TP53I13: variants seen among roughly 807,000 people sequenced by gnomAD.
The protein encoded by TP53I13 is tumor protein p53 inducible protein 13, also known as tumor protein p53-inducible protein 13.
In TP53I13, 27 loss-of-function variants were observed where a neutral mutation model predicts 39.1. The observed-to-expected ratio is 0.69, with a 90% CI of 0.51 to 0.95. TP53I13 has a LOEUF of 0.95. Among genes scored for constraint, TP53I13 ranks in the 40% least tolerant of loss-of-function variants. The pLI is 0.00. For missense variants in TP53I13, 544 were observed against 520.4 expected (o/e 1.05, Z -0.44); for synonymous variants, 230 against 224.6 (o/e 1.02, Z -0.22).
Position 29,572,020 on chromosome 17 carries a change from C to G in TP53I13, c.476C>G (p.Pro159Arg). Residue 159 changes from proline to arginine, a missense_variant, in exon 5 of 7, where the codon CCC becomes CGC. Transcript: ENST00000301057. ...GGGCCTGCTCCCTCCGAGCCAACTC[C>G]CGGTAGAGGGAGGCTGTGCCGAAGA... Reference protein sequence around the residue: ...LSGPAPSEPTPGRGRLCRRGC... With the variant: ...LSGPAPSEPTRGRGRLCRRGC... 1 of 1,613,178 alleles carries G rather than the reference C, an allele frequency of 6.2e-7. No individual in the cohort carries two copies.
In TP53I13 at chr17:29,568,743, C is replaced by T. The variant is rs770581025; in HGVS notation, c.-16C>T. On this transcript the variant is annotated 5_prime_UTR_variant, in exon 1 of 7. Transcript: ENST00000301057. The surrounding 1 kb of genome is among the most constrained non-coding windows in gnomAD (Gnocchi z 4.5). ...CGGAGCGGCTGGGCGGCGGGCCGGG[C>T]CCGGGGCCGCTTGGAATGGCGCCTC... 1.3e-6 allele frequency: 2 copies of T among 1,555,112 alleles called. No individual in the cohort carries two copies. Among genetic ancestry groups the T allele is most frequent in the Non-Finnish European group, 1.7e-6 (2 of 1,160,670 alleles).
At chr17:29,574,771 C>T (rs547494712), downstream of TP53I13, 428 of 1,613,474 alleles carry the variant, frequency 2.7e-4, 6 homozygotes, top group South Asian at 4.6e-3. Flanking sequence ...CATAGGCGCA[C>T]TGGATCACCT....
At chr17:29,576,423 G>T, downstream of TP53I13, 2 of 1,612,986 alleles carry the variant, frequency 1.2e-6, no homozygotes, top group Non-Finnish European at 1.7e-6. Flanking sequence ...TGCCGGAGCT[G>T]CAGGTTCTCC....
chr17:29,567,075 C>T (rs1459028244), upstream of TP53I13: 2 of 975,270 alleles, frequency 2.1e-6, no homozygotes, highest in Non-Finnish European at 2.5e-6. The surrounding 1 kb of genome is among the most constrained non-coding windows in gnomAD (Gnocchi z 6.6). Context: ...CCAGGGCCCT[C>T]CCGCGCGGGC....
upstream of TP53I13, chr17:29,567,576 G>T (rs894281483): frequency 6.6e-6 from 1 of 152,124 alleles, no homozygotes; most frequent in Non-Finnish European, 1.5e-5. The surrounding 1 kb of genome is among the most constrained non-coding windows in gnomAD (Gnocchi z 6.6). Flanking sequence ...GTCGAGCGCG[G>T]CGTCTTGAGC....
upstream of TP53I13, chr17:29,566,316 C>T: frequency 6.2e-7 from 1 of 1,611,792 alleles, no homozygotes; most frequent in South Asian, 1.1e-5. Flanking sequence ...ATGTGACCGC[C>T]TCCTTGAGGT....
chr17:29,569,567 GTCATCTGCAATGC>G (rs2032848506), intron 3 of TP53I13: 1 of 510,646 alleles, frequency 2.0e-6, no homozygotes, highest in Admixed American at 3.2e-5. Flanking sequence ...CCATAGGCCT[GTCATCTGCAATGC>G]TGTGTCAGGA....
chr17:29,575,415 G>C (rs773724411), downstream of TP53I13: 6 of 1,613,226 alleles, frequency 3.7e-6, no homozygotes, highest in Non-Finnish European at 5.1e-6. The surrounding 1 kb of genome is among the most constrained non-coding windows in gnomAD (Gnocchi z 5.5). Context: ...AGGCTTTCCA[G>C]CTCTGGGTGG....
chr17:29,577,373 A>T, downstream of TP53I13: 1 of 776,986 alleles, frequency 1.3e-6, no homozygotes, highest in Non-Finnish European at 2.1e-6. Context: ...GTCCCAGCCT[A>T]GCTTCACCTG....
chr17:29,566,800 G>A (rs1304926449), upstream of TP53I13: 4 of 1,513,926 alleles, frequency 2.6e-6, no homozygotes, highest in African/African-American at 1.4e-5. Flanking sequence ...GAACTGGTCC[G>A]CCGGGCCTCC....
At chr17:29,575,514 G>A, downstream of TP53I13, 1 of 1,576,632 alleles carries the variant, frequency 6.3e-7, no homozygotes, top group Non-Finnish European at 8.6e-7. This position sits in a 1 kb window ranked among gnomAD's most constrained non-coding sequence, Gnocchi z 5.5. Context: ...TACATATAGA[G>A]AAAGACACGT....
chr17:29,575,554 TCACA>T (rs926261147), downstream of TP53I13: 1 of 1,560,540 alleles, frequency 6.4e-7, no homozygotes, highest in East Asian at 2.3e-5. The surrounding 1 kb of genome is among the most constrained non-coding windows in gnomAD (Gnocchi z 5.5). Context: ...GCCTTGGTCC[TCACA>T]CACTGGGGGC....
chr17:29,572,306 C>G lies in TP53I13; in HGVS notation c.678C>G (p.Ser226=). 2 of 1,612,842 alleles carry G rather than the reference C, an allele frequency of 1.2e-6. No homozygotes were observed. Among genetic ancestry groups the G allele is most frequent in the Non-Finnish European group, 8.5e-7 (1 of 1,179,892 alleles). Residue 226 remains serine (S), a synonymous_variant, in exon 6 of 7, where the codon TCC becomes TCG. Transcript: ENST00000301057. ...CAGCCCTGAGGTTTCCCTCTGCTTCCCCAGGGAGCTTGAAGGCCAAGCAGT... is the reference window on the plus strand; with the variant it reads ...CAGCCCTGAGGTTTCCCTCTGCTTCGCCAGGGAGCTTGAAGGCCAAGCAGT... ...TRSALRFPSA[S]PGSLKAKQSM...
chr17:29,567,901 C>T (rs1325852606), upstream of TP53I13: 1 of 152,232 alleles, frequency 6.6e-6, no homozygotes. The surrounding 1 kb of genome is among the most constrained non-coding windows in gnomAD (Gnocchi z 6.6). Flanking sequence ...TCTCTACCCA[C>T]GTTTCCCCCC....
chr17:29,576,980 A>T, downstream of TP53I13: 2 of 1,602,922 alleles, frequency 1.2e-6, no homozygotes, highest in Non-Finnish European at 1.7e-6. Context: ...GGCTCCGCAG[A>T]GACAGCTCGA....
the TP53I13 span, among the ~76,000 whole-genome samples, chr17:29,579,685 C>T: frequency 4.0e-5 from 6 of 151,702 alleles, no homozygotes; most frequent in African/African-American, 1.5e-4. Flanking sequence ...ATCAAGCCAC[C>T]GCACTCCAGC....
In TP53I13 at chr17:29,568,890, G is replaced by C. The variant is rs566141965; in HGVS notation, c.72+60G>C. On this transcript the variant is annotated intron_variant, in intron 1 of 6. Transcript: ENST00000301057. The surrounding 1 kb of genome is among the most constrained non-coding windows in gnomAD (Gnocchi z 4.5). ...GCGAGCTCAAAGCGCTTTGCCAAAA[G>C]TTCGTCCTGGAAGGAGTGGCGCGCC... 774 of 1,599,602 alleles carry C rather than the reference G, an allele frequency of 4.8e-4. 3 individuals are homozygous for C. Among genetic ancestry groups the C allele is most frequent in the Admixed American group, 7.2e-4 (43 of 59,872 alleles).
chr17:29,569,140 C>T (rs1682222503), intron 2 of TP53I13, 54 bp downstream of exon 2: 1 of 1,539,348 alleles, frequency 6.5e-7, no homozygotes, highest in Non-Finnish European at 8.8e-7. Flanking sequence ...TAGCCCAGTC[C>T]CGCTCTGTTC....
At chr17:29,574,284 G>A (rs1354962056), downstream of TP53I13, 2 of 229,534 alleles carry the variant, frequency 8.7e-6, no homozygotes, top group Non-Finnish European at 1.7e-5. Context: ...TATGTACAAA[G>A]GAGGGGATGC....
Sources: allele counts gnomAD v4.1 joint callset (sites outside exome capture counted in the v4.1 genomes callset), GRCh38; gene constraint gnomAD v4.1.1; non-coding constraint Gnocchi (gnomAD v3.1); transcripts MANE v1.5; gene names NCBI Gene and HGNC (gene_info 2026-07-23, HGNC 2026-07-21).